Variants in DAAM2 observed in about 807,000 individuals in gnomAD.
DAAM2 encodes the protein disheveled-associated activator of morphogenesis 2.
A neutral mutation model predicts 120.7 loss-of-function variants in DAAM2; 39 were observed. That is an observed-to-expected ratio of 0.32 (90% CI 0.25 to 0.42). The LOEUF (loss-of-function observed/expected upper bound fraction) is 0.42. Ranked by LOEUF, DAAM2 falls within the 10% of genes least tolerant of loss-of-function variation. The probability of loss-of-function intolerance (pLI) is 1.00; values close to 1 mark genes in which losing one functional copy is unlikely to be tolerated. For synonymous variants in DAAM2, 488 were observed against 524.9 expected (o/e 0.93, Z 0.96); for missense variants, 1,283 against 1,401.7 (o/e 0.92, Z 1.35).
intron 2 of DAAM2, 145 bp downstream of exon 2, chr6:39,856,615 A>G: frequency 1.7e-6 from 1 of 574,074 alleles, no homozygotes; most frequent in Non-Finnish European, 2.8e-6. Context: ...AGGACACCTC[A>G]GCTATGTTGG....
chr6:39,800,515 A>G (rs532951333), intron 1 of DAAM2, among the ~76,000 whole-genome samples: 1 of 152,306 alleles, frequency 6.6e-6, no homozygotes, highest in East Asian at 1.9e-4. Context: ...CCTGCACTCA[A>G]CTTGCCTGGC....
At chr6:39,845,361 CATG>C (rs1299640572) in intron 1 of DAAM2, among the ~76,000 whole-genome samples, 6 of 143,938 alleles carry the variant, frequency 4.2e-5, no homozygotes, top group Admixed American at 6.9e-5. Flanking sequence ...ACACATCACA[CATG>C]CACAAACATA....
In DAAM2 at chr6:39,879,300, A is replaced by G; in HGVS notation, c.1668A>G (p.Pro556=). The G allele has an allele frequency of 1.8e-6, 1 of 569,398 alleles. No homozygotes were observed. Among genetic ancestry groups the G allele is most frequent in the Non-Finnish European group, 2.4e-6 (1 of 420,702 alleles). The allele number at this position is 569,398 out of a possible 1,614,324, so 35.3% of individuals were successfully genotyped here. A position where few individuals can be genotyped will look rare whatever the true frequency, so the allele number is the denominator to read the frequency against. Residue 556 remains proline (P), a synonymous_variant, in exon 14 of 25, where the codon CCA becomes CCG. Transcript: ENST00000274867. ...PLPFACCPPP[P]PPPLPPGGPP... The stretch of plus-strand genomic sequence containing the variant: ...CCTTTGCCTGTTGTCCCCCTCCCCC[A>G]CCACCACCCCTTCCTCCCGGGGGAC...
Position 39,898,877 on chromosome 6 carries a change from C to A in DAAM2, c.2619C>A (p.Asn873Lys). The change falls in exon 22 of 25, where the codon AAC (asparagine) becomes AAA (lysine). Residue 873 changes from asparagine to lysine, a missense_variant and splice_region_variant. Asn to Lys is a moderately conservative substitution (Grantham distance 94). This residue lies in a region of DAAM2 where 748 missense variants were observed against 768.6 expected (regional missense o/e 0.97). Transcript: ENST00000274867. ...LQHLPEAAKV[N>K]LAELEKEVGN... ...CCCTTCCCTCTGTGTCTCCTTACAGCCTAGCAGAACTGGAGAAGGAGGTGG... is the reference window on the plus strand; with the variant it reads ...CCCTTCCCTCTGTGTCTCCTTACAGACTAGCAGAACTGGAGAAGGAGGTGG... The A allele has an allele frequency of 6.2e-7, 1 of 1,611,852 alleles. No homozygotes were observed. The highest frequency in any genetic ancestry group is 8.5e-7 in the Non-Finnish European group (1 of 1,178,902).
intron 1 of DAAM2, among the ~76,000 whole-genome samples, chr6:39,849,568 C>T (rs1486244094): frequency 6.6e-6 from 1 of 152,156 alleles, no homozygotes; most frequent in African/African-American, 2.4e-5. Context: ...TCAGAGAGGC[C>T]AAGTAACTTG....
At chr6:39,795,834 T>C (rs975314491) in intron 1 of DAAM2, among the ~76,000 whole-genome samples, 1 of 152,140 alleles carries the variant, frequency 6.6e-6, no homozygotes, top group Admixed American at 6.5e-5. Context: ...ATCCTGGATG[T>C]CTGGCCTAGA....
At chr6:39,827,713 C>G (rs1762726082) in intron 1 of DAAM2, among the ~76,000 whole-genome samples, 2 of 152,124 alleles carry the variant, frequency 1.3e-5, no homozygotes, top group Non-Finnish European at 2.9e-5. Flanking sequence ...TGTGATACCC[C>G]TTGACCCCCT....
intron 1 of DAAM2, among the ~76,000 whole-genome samples, chr6:39,826,447 C>G (rs940376465): frequency 6.6e-6 from 1 of 152,048 alleles, no homozygotes; most frequent in East Asian, 1.9e-4. Context: ...GGAGAAGCCA[C>G]TTAGGGTTTT....
Position 39,879,325 on chromosome 6 carries a change from C to T in DAAM2, c.1693C>T (p.Pro565Ser). 2 of 1,581,622 alleles carry T rather than the reference C, an allele frequency of 1.3e-6. No homozygotes were observed. The highest frequency in any genetic ancestry group is 1.7e-6 in the Non-Finnish European group (2 of 1,156,860). Residue 565 changes from proline to serine, a missense_variant, in exon 14 of 25, where the codon CCC becomes TCC. This residue lies in a region of DAAM2 where 748 missense variants were observed against 768.6 expected (regional missense o/e 0.97). Coordinates refer to ENST00000274867, the MANE Select transcript of DAAM2 (RefSeq NM_001201427.2). ...PPPPPLPPGG[P>S]PTPPGAPPCL... ...ACCACCACCCCTTCCTCCCGGGGGACCCCCGACTCCCCCAGGTGCCCCACC... is the reference window on the plus strand; with the variant it reads ...ACCACCACCCCTTCCTCCCGGGGGATCCCCGACTCCCCCAGGTGCCCCACC...
rs752801566 is a variant in DAAM2, at chr6:39,903,559, G to C, written c.*1522G>C. On this transcript the variant is annotated 3_prime_UTR_variant, in exon 25 of 25. Transcript: ENST00000274867. ...TTGGCCTTTCATCTTCTTTGAGACT[G>C]GCCCTGCCTAACCTCTACCATCAAT... is the stretch of plus-strand genomic sequence containing the variant. The C allele has an allele frequency of 6.6e-6, 1 of 152,476 alleles. No individual in the cohort carries two copies. The highest frequency in any genetic ancestry group is 1.5e-5 in the Non-Finnish European group (1 of 68,330). 9.4% of individuals were successfully genotyped at this position (152,476 alleles called of 1,614,324 possible).
chr6:39,831,795 TGG>T (rs35437251), intron 1 of DAAM2, among the ~76,000 whole-genome samples: 6 of 13,048 alleles, frequency 4.6e-4, no homozygotes, highest in Non-Finnish European at 2.6e-4. Context: ...GCAGGTGCAC[TGG>T]GGGGGGGCAG....
chr6:39,833,261 CTTTCT>C (rs1762982644), intron 1 of DAAM2, among the ~76,000 whole-genome samples: 1 of 151,632 alleles, frequency 6.6e-6, no homozygotes, highest in African/African-American at 2.4e-5. Flanking sequence ...TTCTCTTTTC[CTTTCT>C]TTTCTTTTCC....
Position 39,901,422 on chromosome 6 carries a change from A to C in DAAM2, c.2932A>C (p.Met978Leu), listed in dbSNP as rs1035322208. 1.2e-6 allele frequency: 2 copies of C among 1,613,264 alleles called. No individual in the cohort carries two copies. Among genetic ancestry groups the C allele is most frequent in the African/African-American group, 1.3e-5 (1 of 74,882 alleles). Residue 978 changes from methionine to leucine, a missense_variant, in exon 24 of 25, where the codon ATG (methionine) becomes CTG (leucine). Transcript: ENST00000274867. The surrounding 1 kb of genome is among the most constrained non-coding windows in gnomAD (Gnocchi z 4.5). ...AGAGGCCCGGCAGGATCTAGAGGCC[A>C]TGAGGAGGAGGAAGGAGGAGGAGGA... ...FSEARQDLEAMRRRKEEEERR... is the reference protein window; with the variant it reads ...FSEARQDLEALRRRKEEEERR...
chr6:39,816,916 T>G (rs1762326473), intron 1 of DAAM2, among the ~76,000 whole-genome samples: 1 of 152,262 alleles, frequency 6.6e-6, no homozygotes, highest in Non-Finnish European at 1.5e-5. Context: ...GTTTTTGGCT[T>G]ATAAATACTC....
chr6:39,864,173 G>C (rs1764323628), intron 3 of DAAM2, among the ~76,000 whole-genome samples: 1 of 152,144 alleles, frequency 6.6e-6, no homozygotes, highest in African/African-American at 2.4e-5. Flanking sequence ...TTAAAAAATG[G>C]TGCACGTTGC....
At chr6:39,874,037 T>C (rs992687681) in intron 10 of DAAM2, among the ~76,000 whole-genome samples, 1 of 152,336 alleles carries the variant, frequency 6.6e-6, no homozygotes, top group East Asian at 1.9e-4. Flanking sequence ...ATGTTGGCGG[T>C]GTCAGCAATC....
intron 21 of DAAM2, among the ~76,000 whole-genome samples, chr6:39,898,428 G>A (rs1272178948): frequency 6.6e-6 from 1 of 152,198 alleles, no homozygotes; most frequent in Non-Finnish European, 1.5e-5. Context: ...CATCTGCTAG[G>A]CAAGATATCA....
At chr6:39,852,828 G>A (rs928488879) in intron 1 of DAAM2, among the ~76,000 whole-genome samples, 1 of 152,210 alleles carries the variant, frequency 6.6e-6, no homozygotes, top group African/African-American at 2.4e-5. Context: ...CTGCTACTAG[G>A]AAGCTGGAGT....
At chr6:39,891,238 G>T in intron 17 of DAAM2, 103 bp from the exon 18 acceptor site, 1 of 846,922 alleles carries the variant, frequency 1.2e-6, no homozygotes, top group African/African-American at 1.7e-5. Context: ...CTCTTTCAAG[G>T]CACCCTCCCC....
Sources: gnomAD v4.1 joint callset for allele counts (sites outside exome capture counted in the v4.1 genomes callset) on GRCh38, gnomAD v4.1.1 for gene constraint, gnomAD v4.1.1 regional missense constraint, Gnocchi (gnomAD v3.1) non-coding constraint, MANE v1.5 for transcripts, NCBI Gene and HGNC (gene_info 2026-07-23, HGNC 2026-07-21) for gene names.